The following GABRG3 variants were observed in gnomAD, a reference collection of about 807,000 sequenced individuals.
GABRG3 encodes the protein gamma-aminobutyric acid type A receptor subunit gamma3.
In GABRG3, 25 loss-of-function variants were observed where a neutral mutation model predicts 48.8. The ratio of observed to expected loss-of-function variants is 0.51; its 90% CI spans 0.37 to 0.72. GABRG3 has a LOEUF of 0.72. Among genes scored for constraint, GABRG3 ranks in the 30% least tolerant of loss-of-function variants. The probability of loss-of-function intolerance (pLI) is 0.00; values close to 1 mark genes in which losing one functional copy is unlikely to be tolerated. For synonymous variants in GABRG3, 227 were observed against 217.6 expected (o/e 1.04, Z -0.38); for missense variants, 394 against 577.9 (o/e 0.68, Z 3.26).
At chr15:27,341,637 C>T (rs1894182509) in intron 5 of GABRG3, among the ~76,000 whole-genome samples, 2 of 152,116 alleles carry the variant, frequency 1.3e-5, no homozygotes, top group African/African-American at 2.4e-5. Flanking sequence ...CCCTATCACG[C>T]AGGGGGCAAG....
At chr15:27,528,549 G>C (rs1464294493) in intron 9 of GABRG3, among the ~76,000 whole-genome samples, 2 of 152,048 alleles carry the variant, frequency 1.3e-5, no homozygotes, top group East Asian at 3.8e-4. Context: ...AGAATGTTTG[G>C]GCAGAGGCGT....
intron 3 of GABRG3, among the ~76,000 whole-genome samples, chr15:27,235,790 G>A (rs890163439): frequency 1.7e-4 from 26 of 152,120 alleles, no homozygotes; most frequent in Non-Finnish European, 3.4e-4. Flanking sequence ...CTGAAACAAA[G>A]AACATTGTAG....
intron 3 of GABRG3, among the ~76,000 whole-genome samples, chr15:27,082,426 C>A (rs1260376213): frequency 6.6e-6 from 1 of 152,168 alleles, no homozygotes; most frequent in African/African-American, 2.4e-5. Context: ...CATTCATCAG[C>A]ATTCATAGCT....
At chr15:27,491,883 C>A (rs903173083) in intron 6 of GABRG3, among the ~76,000 whole-genome samples, 1 of 152,160 alleles carries the variant, frequency 6.6e-6, no homozygotes. Flanking sequence ...CAGTATGCAT[C>A]GCTCTAAATT....
At chr15:27,300,273 G>A (rs974160155) in intron 3 of GABRG3, among the ~76,000 whole-genome samples, 7 of 152,124 alleles carry the variant, frequency 4.6e-5, no homozygotes, top group African/African-American at 1.7e-4. Context: ...GAGACCCATG[G>A]ACATTTCAAC....
chr15:27,503,854 A>G (rs1036368539), intron 6 of GABRG3, among the ~76,000 whole-genome samples: 22 of 152,108 alleles, frequency 1.4e-4, no homozygotes, highest in Non-Finnish European at 3.1e-4. Flanking sequence ...TGGAAGCTCT[A>G]TTATTAGGTG....
rs1214602179 is a variant in GABRG3, at chr15:27,308,749, A to G, written c.271-18060A>G. On this transcript the variant is annotated intron_variant, in intron 3 of 9. Transcript: ENST00000615808. ...AATGTAAACATACGTTTATATGTAA[A>G]CATATAATGTAAACATACGTTTATA... Among the ~76,000 whole-genome samples the G allele has an allele frequency of 2.0e-5, 3 of 149,436 alleles. No individual in the cohort carries two copies. In the South Asian group the frequency reaches 6.5e-4, roughly 32 times the overall value.
At chr15:27,397,636 C>T (rs1304241501) in intron 5 of GABRG3, among the ~76,000 whole-genome samples, 1 of 152,034 alleles carries the variant, frequency 6.6e-6, no homozygotes, top group African/African-American at 2.4e-5. Context: ...TATGGTTTGT[C>T]CCTCACCATT....
chr15:27,423,382 T>C (rs1888190480), intron 5 of GABRG3, among the ~76,000 whole-genome samples: 1 of 152,114 alleles, frequency 6.6e-6, no homozygotes, highest in Non-Finnish European at 1.5e-5. Context: ...TTCCTTAAGC[T>C]TGTGTTATCA....
At chr15:27,466,545 T>C (rs1294582350) in intron 5 of GABRG3, among the ~76,000 whole-genome samples, 5 of 152,260 alleles carry the variant, frequency 3.3e-5, no homozygotes, top group Non-Finnish European at 7.3e-5. Flanking sequence ...GCTTGTCTTC[T>C]TTTCCTTCTA....
chr15:27,240,769 G>A (rs1288041095), intron 3 of GABRG3, among the ~76,000 whole-genome samples: 1 of 152,122 alleles, frequency 6.6e-6, no homozygotes, highest in East Asian at 1.9e-4. Flanking sequence ...AGAGACTTAA[G>A]TGTATTTTCT....
At chr15:27,064,872 C>T (rs1896711234) in intron 3 of GABRG3, among the ~76,000 whole-genome samples, 1 of 152,160 alleles carries the variant, frequency 6.6e-6, no homozygotes, top group African/African-American at 2.4e-5. Flanking sequence ...AGGACTGAGT[C>T]CCACCTTCTC....
At chr15:27,337,858 G>A (rs1241006672) in intron 5 of GABRG3, among the ~76,000 whole-genome samples, 1 of 152,116 alleles carries the variant, frequency 6.6e-6, no homozygotes, top group Admixed American at 6.5e-5. Context: ...ACACAAATAA[G>A]CCTTGTGATT....
At chr15:26,978,466 A>C (rs987748252) in intron 2 of GABRG3, among the ~76,000 whole-genome samples, 4 of 152,058 alleles carry the variant, frequency 2.6e-5, no homozygotes. Flanking sequence ...CATCCTTTAC[A>C]TTTTAATTTG....
intron 3 of GABRG3, among the ~76,000 whole-genome samples, chr15:27,307,120 CATAAT>C (rs1268726336): frequency 8.4e-6 from 1 of 118,844 alleles, no homozygotes; most frequent in Non-Finnish European, 1.6e-5. Flanking sequence ...TATATATAAA[CATAAT>C]ATAAACATGT....
intron 3 of GABRG3, among the ~76,000 whole-genome samples, chr15:27,070,015 A>G (rs1317986226): frequency 2.6e-5 from 4 of 152,236 alleles, no homozygotes; most frequent in Non-Finnish European, 5.9e-5. Flanking sequence ...AGGCAGGAAG[A>G]GAAGTGAATT....
chr15:27,145,668 G>A (rs1280657344), intron 3 of GABRG3, among the ~76,000 whole-genome samples: 1 of 31,010 alleles, frequency 3.2e-5, no homozygotes, highest in Non-Finnish European at 1.3e-4. Context: ...TATCTATTGT[G>A]CCAGAAGGAG....
intron 3 of GABRG3, among the ~76,000 whole-genome samples, chr15:27,198,019 G>A (rs562610280): frequency 3.3e-5 from 5 of 151,980 alleles, no homozygotes; most frequent in East Asian, 1.9e-4. Flanking sequence ...TCTGGCTAGC[G>A]GTCTATCTAT....
At chr15:27,280,964 T>G (rs930082700) in intron 3 of GABRG3, among the ~76,000 whole-genome samples, 1 of 152,184 alleles carries the variant, frequency 6.6e-6, no homozygotes, top group African/African-American at 2.4e-5. Context: ...ATTTCTCTTT[T>G]CAGTTTTATC....
Sources: allele counts gnomAD v4.1 joint callset (sites outside exome capture counted in the v4.1 genomes callset), GRCh38; gene constraint gnomAD v4.1.1; transcripts MANE v1.5; gene names NCBI Gene and HGNC (gene_info 2026-07-23, HGNC 2026-07-21).